The following ITGA8 variants were observed in gnomAD, a reference collection of about 807,000 sequenced individuals.
ITGA8 encodes integrin alpha-8.
ITGA8 carries 91 observed loss-of-function variants against 142.3 expected under a neutral mutation model. The ratio of observed to expected loss-of-function variants is 0.64; its 90% CI spans 0.54 to 0.76. ITGA8 has a LOEUF of 0.76. Ranked by LOEUF, ITGA8 falls within the 30% of genes least tolerant of loss-of-function variation. ITGA8 has a pLI of 0.00. For missense variants in ITGA8, 1,406 were observed against 1,327.7 expected (o/e 1.06, Z -0.92); for synonymous variants, 505 against 485.2 (o/e 1.04, Z -0.54).
intron 2 of ITGA8, among the ~76,000 whole-genome samples, chr10:15,696,263 G>A (rs1043659724): frequency 6.6e-6 from 1 of 152,152 alleles, no homozygotes; most frequent in Admixed American, 6.5e-5. Flanking sequence ...GAAAGCAAAG[G>A]CAAAAGCTCA....
At chr10:15,641,048 G>A (rs973248471) in intron 13 of ITGA8, among the ~76,000 whole-genome samples, 3 of 152,142 alleles carry the variant, frequency 2.0e-5, no homozygotes, top group Non-Finnish European at 1.5e-5. Flanking sequence ...GCTACACAGG[G>A]TGGAGAAAAA....
In ITGA8 at chr10:15,586,348, C is replaced by T. The variant is rs893982649; in HGVS notation, c.2372+236G>A. 2.6e-5 allele frequency among the ~76,000 whole-genome samples: 4 copies of T among 152,008 alleles called. No homozygotes were observed. The East Asian group carries it at 7.7e-4, about 29-fold the overall frequency. Reference sequence around the variant, plus strand: ...TGCTGGGAGTATAGGCATGAGCCACCGCGCCTGGCATAAAGTGATTTCTTG... The same window carrying T: ...TGCTGGGAGTATAGGCATGAGCCACTGCGCCTGGCATAAAGTGATTTCTTG... On this transcript the variant is annotated intron_variant, in intron 23 of 29. Coordinates refer to ENST00000378076, the MANE Select transcript of ITGA8 (RefSeq NM_003638.3).
intron 1 of ITGA8, among the ~76,000 whole-genome samples, 174 bp from the exon 2 acceptor site, chr10:15,719,073 A>G (rs1835508401): frequency 6.6e-6 from 1 of 152,104 alleles, no homozygotes; most frequent in Admixed American, 6.5e-5. Context: ...GGGGTCCGCA[A>G]CCTGGTTTGC....
At chr10:15,665,838 A>G (rs1413865862) in intron 8 of ITGA8, among the ~76,000 whole-genome samples, 1 of 152,006 alleles carries the variant, frequency 6.6e-6, no homozygotes, top group African/African-American at 2.4e-5. Context: ...GATATGCGGC[A>G]TTATTTCTGA....
At chr10:15,578,564 G>A (rs891285666) in intron 23 of ITGA8, among the ~76,000 whole-genome samples, 7 of 152,098 alleles carry the variant, frequency 4.6e-5, no homozygotes, top group African/African-American at 1.7e-4. Flanking sequence ...ACGCAATCAG[G>A]AAATTCAAAT....
chr10:15,659,079 G>T (rs1405679234), intron 9 of ITGA8, 24 bp from the exon 10 acceptor site: 16 of 1,547,906 alleles, frequency 1.0e-5, no homozygotes, highest in Non-Finnish European at 1.3e-5. Flanking sequence ...AATTAAACAG[G>T]TTACACCATT....
intron 25 of ITGA8, among the ~76,000 whole-genome samples, chr10:15,561,572 G>A (rs937795771): frequency 2.0e-4 from 30 of 152,114 alleles, no homozygotes; most frequent in African/African-American, 7.2e-4. Flanking sequence ...CTTACTGTTT[G>A]TTTTGAAGAT....
chr10:15,707,446 G>C (rs1835280592), intron 2 of ITGA8, among the ~76,000 whole-genome samples: 1 of 152,130 alleles, frequency 6.6e-6, no homozygotes. Flanking sequence ...GTTCTCCCAA[G>C]AGCTTCCAGA....
intron 13 of ITGA8, among the ~76,000 whole-genome samples, chr10:15,636,352 T>A (rs1487058281): frequency 6.6e-6 from 1 of 152,214 alleles, no homozygotes; most frequent in African/African-American, 2.4e-5. Context: ...CATACAGACC[T>A]GAACACATCT....
intron 8 of ITGA8, among the ~76,000 whole-genome samples, chr10:15,665,919 G>A (rs1473920512): frequency 4.6e-5 from 7 of 152,218 alleles, no homozygotes; most frequent in African/African-American, 1.7e-4. Flanking sequence ...GGTTACTGTA[G>A]CCTTGTAGTA....
chr10:15,650,432 C>G (rs1255075029), intron 11 of ITGA8, among the ~76,000 whole-genome samples: 1 of 152,014 alleles, frequency 6.6e-6, no homozygotes, highest in Non-Finnish European at 1.5e-5. Flanking sequence ...AAGGTGGAGC[C>G]CCAAAATGGG....
Position 15,719,013 on chromosome 10 carries a change from C to T in ITGA8, c.210-114G>A, listed in dbSNP as rs992274737. The T allele has an allele frequency of 3.3e-5, 49 of 1,479,078 alleles. No homozygotes were observed. The African/African-American group carries it at 5.3e-4, about 16-fold the overall frequency. 91.6% of individuals were successfully genotyped at this position (1,479,078 alleles called of 1,614,324 possible). ...CTGGGGCAGGCGTGGAGGGCATGAA[C>T]GTATTTATGATGAGGACCGACTGTC... On this transcript the variant is annotated intron_variant, in intron 1 of 29. Coordinates refer to ENST00000378076, the MANE Select transcript of ITGA8 (RefSeq NM_003638.3).
chr10:15,538,969 T>A (rs76151654), intron 27 of ITGA8, among the ~76,000 whole-genome samples: 2 of 130,594 alleles, frequency 1.5e-5, no homozygotes, highest in Non-Finnish European at 3.2e-5. Context: ...TTTTTTTTTT[T>A]TTTTTTTTTT....
Position 15,719,242 on chromosome 10 carries a change from A to G in ITGA8, c.209+321T>C, listed in dbSNP as rs9333259. ...ATGGTTACAGACTCTGCATAAACAG[A>G]CCTCGCTGTGGTGGCGGTTTTAACT... is the stretch of plus-strand genomic sequence containing the variant. On this transcript the variant is annotated intron_variant, in intron 1 of 29. Coordinates refer to ENST00000378076, the MANE Select transcript of ITGA8 (RefSeq NM_003638.3). Among the ~76,000 whole-genome samples the G allele has an allele frequency of 8.5e-3, 1,291 of 152,060 alleles. 11 individuals are homozygous for G. The highest frequency in any genetic ancestry group is 0.011 in the Non-Finnish European group (776 of 67,988).
chr10:15,695,976 C>G (rs893614739), intron 2 of ITGA8, among the ~76,000 whole-genome samples: 1 of 152,256 alleles, frequency 6.6e-6, no homozygotes, highest in Non-Finnish European at 1.5e-5. Context: ...CACACCCTAT[C>G]CTTGCCAACG....
intron 9 of ITGA8, among the ~76,000 whole-genome samples, chr10:15,659,417 G>T (rs1834245138): frequency 6.6e-6 from 1 of 152,104 alleles, no homozygotes; most frequent in African/African-American, 2.4e-5. Flanking sequence ...TGATCATTAT[G>T]GTTCTTTGCA....
intron 27 of ITGA8, among the ~76,000 whole-genome samples, chr10:15,538,965 T>G (rs1036312098): frequency 1.0e-5 from 1 of 99,322 alleles, no homozygotes; most frequent in Admixed American, 8.3e-5. Context: ...TTTTTTTTTT[T>G]TTTTTTTTTT....
chr10:15,625,851 C>G (rs557072405), intron 13 of ITGA8, among the ~76,000 whole-genome samples: 2 of 152,170 alleles, frequency 1.3e-5, no homozygotes, highest in Non-Finnish European at 2.9e-5. Flanking sequence ...AAAGCAGCCC[C>G]CAAATCATTT....
chr10:15,654,082 C>T (rs767576552), intron 11 of ITGA8, among the ~76,000 whole-genome samples: 34 of 152,140 alleles, frequency 2.2e-4, no homozygotes, highest in Admixed American at 1.0e-3. Flanking sequence ...GTGATCCACC[C>T]GCCTCAGCCT....
Sources: allele counts gnomAD v4.1 joint callset (sites outside exome capture counted in the v4.1 genomes callset), GRCh38; gene constraint gnomAD v4.1.1; transcripts MANE v1.5; gene names NCBI Gene and HGNC (gene_info 2026-07-23, HGNC 2026-07-21).